TES: variants seen among roughly 807,000 people sequenced by gnomAD.
TES encodes the protein testin.
TES carries 41 observed loss-of-function variants against 48.2 expected under a neutral mutation model. The ratio of observed to expected loss-of-function variants is 0.85; its 90% CI spans 0.66 to 1.10. TES has a LOEUF of 1.10. TES is among the 50% of genes least tolerant of loss of function. TES has a pLI of 0.00. For missense variants in TES, 463 were observed against 515.1 expected, an observed-to-expected ratio of 0.90 and a Z score of 0.98; for synonymous variants, 162 against 174.9, an observed-to-expected ratio of 0.93 and a Z score of 0.58.
intron 2 of TES, chr7:116,239,136 T>C (rs1369068869): frequency 1.3e-5 from 2 of 152,254 alleles, no homozygotes; most frequent in African/African-American, 4.8e-5. Flanking sequence ...CTGGCTACTC[T>C]CAGCTTCTAG....
At chr7:116,218,935 A>T (rs1336756551) in intron 1 of TES, among the ~76,000 whole-genome samples, 2 of 152,160 alleles carry the variant, frequency 1.3e-5, no homozygotes, top group Admixed American at 6.6e-5. Context: ...ACACAAAATT[A>T]CTTTAAGTAT....
At chr7:116,211,030 A>G (rs1799431307) in intron 1 of TES, 1 of 280,906 alleles carries the variant, frequency 3.6e-6, no homozygotes, top group African/African-American at 2.2e-5. Context: ...TGGAAACTTT[A>G]CTTAAGATGT....
chr7:116,212,106 C>G (rs12672804), intron 1 of TES, among the ~76,000 whole-genome samples: 86,441 of 151,996 alleles, frequency 0.57, 25,041 homozygotes, highest in East Asian at 0.86. Context: ...GCTTAGCTTT[C>G]TGTTGATGAA....
chr7:116,251,012 T>C lies in TES; in HGVS notation c.702+516T>C, dbSNP rs549941149. ...ATGACTTGATGGTAGGAGGCAATTA[T>C]GACACAGATGAACAGACATAAGAAC... is the stretch of plus-strand genomic sequence containing the variant. On this transcript the variant is annotated intron_variant, in intron 4 of 6. Coordinates refer to ENST00000358204, the MANE Select transcript of TES (RefSeq NM_015641.4). 2.6e-5 allele frequency among the ~76,000 whole-genome samples: 4 copies of C among 152,292 alleles called. No individual in the cohort carries two copies. The East Asian group carries it at 5.8e-4, about 22-fold the overall frequency.
Position 116,226,704 on chromosome 7 carries a change from G to A in TES, c.28-7830G>A, listed in dbSNP as rs556356671. Among the ~76,000 whole-genome samples the A allele has an allele frequency of 3.3e-4, 51 of 152,324 alleles. 1 individual carries two copies. In the South Asian group the frequency reaches 0.01, roughly 30 times the overall value. ...GTGGTCTCAGGATGATATGATGTGA[G>A]TTTGAACATGAACACTCGAGTGCAG... On this transcript the variant is annotated intron_variant, in intron 1 of 6. Coordinates refer to ENST00000358204, the MANE Select transcript of TES (RefSeq NM_015641.4).
intron 1 of TES, among the ~76,000 whole-genome samples, chr7:116,214,691 T>C (rs1221541357): frequency 1.3e-5 from 2 of 152,192 alleles, no homozygotes; most frequent in Non-Finnish European, 2.9e-5. Flanking sequence ...ATTGATTCTG[T>C]TCCTTTATGC....
chr7:116,218,289 G>C (rs1211008304), intron 1 of TES, among the ~76,000 whole-genome samples: 3 of 121,056 alleles, frequency 2.5e-5, no homozygotes, highest in African/African-American at 9.7e-5. Context: ...GCTTATCTGA[G>C]CAGCGAGCCC....
chr7:116,253,288 G>A (rs373955255), intron 6 of TES, among the ~76,000 whole-genome samples: 2 of 152,128 alleles, frequency 1.3e-5, no homozygotes, highest in Non-Finnish European at 2.9e-5. Context: ...GTGAAGATAA[G>A]GTAACAAGTT....
chr7:116,234,742 TTC>T, intron 2 of TES, 123 bp downstream of exon 2: 1 of 739,634 alleles, frequency 1.4e-6, no homozygotes, highest in South Asian at 1.7e-5. Context: ...TTACTGTCTT[TTC>T]TGAGAAATGA....
intron 1 of TES, 43 bp downstream of exon 1, chr7:116,210,777 C>T (rs1799426436): frequency 8.1e-7 from 1 of 1,232,694 alleles, no homozygotes. Context: ...TTCACCTGCG[C>T]GGGTCGCGCG....
chr7:116,210,717 G>C lies in TES; in HGVS notation c.10G>C (p.Glu4Gln), dbSNP rs1203637099. 1.6e-6 allele frequency: 2 copies of C among 1,259,480 alleles called. No homozygotes were observed. Among genetic ancestry groups the C allele is most frequent in the East Asian group, 3.2e-5 (1 of 31,254 alleles). The allele number at this position is 1,259,480 out of a possible 1,614,324, so 78.0% of individuals were successfully genotyped here. ...CATAGGACGCGTTAACATGGACCTGGAAAACAAAGTGAAGAAGGTAGGGGG... is the reference window on the plus strand; with the variant it reads ...CATAGGACGCGTTAACATGGACCTGCAAAACAAAGTGAAGAAGGTAGGGGG... Reference protein sequence around the residue: MDLENKVKKMGLGH... With the variant: MDLQNKVKKMGLGH... The change falls in exon 1 of 7, where the codon GAA becomes CAA. Residue 4 changes from glutamate (E) to glutamine (Q), a missense_variant. Coordinates refer to ENST00000358204, the MANE Select transcript of TES (RefSeq NM_015641.4).
chr7:116,211,166 T>C (rs1281544388), intron 1 of TES: 1 of 156,840 alleles, frequency 6.4e-6, no homozygotes, highest in African/African-American at 2.4e-5. Context: ...GGCTCTGCTG[T>C]GCTTTGACAG....
At chr7:116,238,607 ATTATTATTT>A (rs1266296669) in intron 2 of TES, among the ~76,000 whole-genome samples, 3 of 150,256 alleles carry the variant, frequency 2.0e-5, no homozygotes, top group South Asian at 4.2e-4. Context: ...TATTATTATT[ATTATTATTT>A]TTGAGATGGG....
At chr7:116,254,756 A>ATGTGTG (rs528007110) in intron 6 of TES, among the ~76,000 whole-genome samples, 3,471 of 143,116 alleles carry the variant, frequency 0.024, 40 homozygotes, top group Non-Finnish European at 0.03. Flanking sequence ...AAATATATAT[A>ATGTGTG]TATGTGTGTG....
In TES at chr7:116,256,479, A is replaced by G. The variant is rs556161475; in HGVS notation, c.1078-815A>G. Among the ~76,000 whole-genome samples the G allele has an allele frequency of 2.0e-5, 3 of 152,348 alleles. No homozygotes were observed. In the South Asian group the frequency reaches 6.2e-4, roughly 32 times the overall value. Reference sequence around the variant, plus strand: ...TCAGAACATGTATAAACTATAAGGCATGGACTATCCAGTGTTTCAGAGGTC... The same window carrying G: ...TCAGAACATGTATAAACTATAAGGCGTGGACTATCCAGTGTTTCAGAGGTC... On this transcript the variant is annotated intron_variant, in intron 6 of 6. Transcript: ENST00000358204.
intron 1 of TES, among the ~76,000 whole-genome samples, chr7:116,227,466 A>G (rs911754433): frequency 6.6e-6 from 1 of 152,148 alleles, no homozygotes; most frequent in African/African-American, 2.4e-5. Context: ...GAGATTTGGA[A>G]ACAGGCAATG....
At chr7:116,232,082 C>T (rs1045443795) in intron 1 of TES, among the ~76,000 whole-genome samples, 6 of 152,186 alleles carry the variant, frequency 3.9e-5, no homozygotes, top group Non-Finnish European at 5.9e-5. Context: ...GTTCTAGTTA[C>T]ATTTGCTGAA....
At chr7:116,228,744 T>C (rs58624059) in intron 1 of TES, among the ~76,000 whole-genome samples, 50,550 of 151,606 alleles carry the variant, frequency 0.33, 8,876 homozygotes, top group East Asian at 0.57. Flanking sequence ...TTTGAGCAGA[T>C]GACCATGCTG....
intron 2 of TES, among the ~76,000 whole-genome samples, chr7:116,246,723 A>G (rs749411718): frequency 6.6e-6 from 1 of 152,136 alleles, no homozygotes; most frequent in Non-Finnish European, 1.5e-5. Context: ...CCACATACAC[A>G]GTTTACACCT....
Sources: allele counts gnomAD v4.1 joint callset (sites outside exome capture counted in the v4.1 genomes callset), GRCh38; gene constraint gnomAD v4.1.1; transcripts MANE v1.5; gene names NCBI Gene and HGNC (gene_info 2026-07-23, HGNC 2026-07-21).